The following NR1I3 variants were observed in gnomAD, a reference collection of about 807,000 sequenced individuals.
The protein encoded by NR1I3 is constitutive activator of retinoid response.
Under a neutral mutation model 38.4 loss-of-function variants are expected in NR1I3, and 30 were observed. That is an observed-to-expected ratio of 0.78 (90% CI 0.58 to 1.06). The LOEUF (loss-of-function observed/expected upper bound fraction) is 1.06. NR1I3 is among the 50% of genes least tolerant of loss of function. NR1I3 has a pLI of 0.00. For synonymous variants in NR1I3, 143 were observed against 165.1 expected (o/e 0.87, Z 1.03); for missense variants, 388 against 435.7 (o/e 0.89, Z 0.97).
rs558665618 is a variant in NR1I3, at chr1:161,233,378, A to AGCAGAGAGG, written c.239-41_239-40insCCTCTCTGC. 920 of 1,596,964 alleles carry AGCAGAGAGG rather than the reference A, an allele frequency of 5.8e-4. 8 individuals are homozygous for AGCAGAGAGG. In the South Asian group the frequency reaches 9.3e-3, roughly 16 times the overall value. On this transcript the variant is annotated intron_variant, in intron 3 of 8. Coordinates refer to ENST00000367983, the MANE Select transcript of NR1I3 (RefSeq NM_005122.5). Reference sequence around the variant, plus strand: ...AGATCATGACAAAGCTGTTGAGACCAGCAGAGCATTTCTCTCTGCTGGTCC... The same window carrying AGCAGAGAGG: ...AGATCATGACAAAGCTGTTGAGACCAGCAGAGAGGGCAGAGCATTTCTCTCTGCTGGTCC...
At position 161,230,872 on chromosome 1, in the gene NR1I3, C is replaced by A; in HGVS notation, c.858G>T (p.Glu286Asp). The A allele has an allele frequency of 6.2e-7, 1 of 1,614,188 alleles. No homozygotes were observed. The highest frequency in any genetic ancestry group is 8.5e-7 in the Non-Finnish European group (1 of 1,180,034). The change falls in exon 8 of 9, where the codon GAG becomes GAT. Residue 286 changes from glutamate (E) to aspartate (D), a missense_variant. Coordinates refer to ENST00000367983, the MANE Select transcript of NR1I3 (RefSeq NM_005122.5). The stretch of plus-strand genomic sequence containing the variant: ...AGCTTTGCAGAGTCAGTGCCATCTC[C>A]TCTTGCAGCTGATCAATCTCATCTC... ...TQRDEIDQLQEEMALTLQSYI... is the reference protein window; with the variant it reads ...TQRDEIDQLQDEMALTLQSYI...
intron 1 of NR1I3, 111 bp downstream of exon 1, chr1:161,237,930 C>A (rs1026659149): frequency 2.3e-5 from 24 of 1,041,238 alleles, no homozygotes; most frequent in Non-Finnish European, 3.3e-5. Context: ...GCGATCCCCC[C>A]ACCTTGGCCT....
In NR1I3 at chr1:161,238,113, C is replaced by A. The variant is rs568943207; in HGVS notation, c.-106G>T. 1 of 1,610,454 alleles carries A rather than the reference C, an allele frequency of 6.2e-7. No homozygotes were observed. The highest frequency in any genetic ancestry group is 1.3e-5 in the African/African-American group (1 of 74,858). Reference sequence around the variant, plus strand: ...TGGAATGCCTCTCCCCAAACTCCCACGCTGTTGCTGGTTTTCCTCTGATCT... The same window carrying A: ...TGGAATGCCTCTCCCCAAACTCCCAAGCTGTTGCTGGTTTTCCTCTGATCT... On this transcript the variant is annotated 5_prime_UTR_variant, in exon 1 of 9. Transcript: ENST00000367983.
At chr1:161,235,346 G>C (rs1668400315) in intron 3 of NR1I3, 1 of 132,490 alleles carries the variant, frequency 7.5e-6, no homozygotes, top group African/African-American at 2.8e-5. Context: ...CTCACTGCAA[G>C]CTCCGCCTCC....
chr1:161,233,057 TTC>T, intron 4 of NR1I3, 110 bp downstream of exon 4: 2 of 1,577,878 alleles, frequency 1.3e-6, no homozygotes, highest in South Asian at 1.2e-5. Context: ...CAGGCTGGGG[TTC>T]TGGAGATCTG....
chr1:161,232,671 A>G, intron 5 of NR1I3, 136 bp downstream of exon 5: 2 of 879,180 alleles, frequency 2.3e-6, no homozygotes, highest in Non-Finnish European at 3.6e-6. Flanking sequence ...GCACATTTAA[A>G]ACCAAAGCTG....
chr1:161,231,287 C>A, intron 6 of NR1I3, 42 bp downstream of exon 6: 1 of 1,611,352 alleles, frequency 6.2e-7, no homozygotes, highest in Non-Finnish European at 8.5e-7. Flanking sequence ...ACATCCTGTA[C>A]CATGAGGACA....
intron 5 of NR1I3, 67 bp downstream of exon 5, chr1:161,232,740 C>A (rs959758542): frequency 6.6e-7 from 1 of 1,514,586 alleles, no homozygotes; most frequent in Non-Finnish European, 9.2e-7. Context: ...TAGTCAGTGA[C>A]TTTTCGGGGT....
chr1:161,231,021 A>G, intron 7 of NR1I3, 96 bp downstream of exon 7: 1 of 1,612,952 alleles, frequency 6.2e-7, no homozygotes, highest in Non-Finnish European at 8.5e-7. Flanking sequence ...CAGGTTTGAT[A>G]GCTAGGCTAG....
At chr1:161,233,445 G>A in intron 3 of NR1I3, 107 bp from the exon 4 acceptor site, 1 of 1,140,890 alleles carries the variant, frequency 8.8e-7, no homozygotes, top group South Asian at 1.4e-5. Flanking sequence ...ACGAAGGATG[G>A]GGGCAGTGGG....
chr1:161,230,917 G>A lies in NR1I3; in HGVS notation c.813C>T (p.Asp271=), dbSNP rs201028035. Residue 271 remains aspartate (D), a splice_region_variant and synonymous_variant, in exon 8 of 9, where the codon GAC becomes GAT. Coordinates refer to ENST00000367983, the MANE Select transcript of NR1I3 (RefSeq NM_005122.5). ...CATCTCTCTGGGTAACTCCAGGTCGGTCTGTAAGATAGGGAGCTGGGAAGG... is the reference window on the plus strand; with the variant it reads ...CATCTCTCTGGGTAACTCCAGGTCGATCTGTAAGATAGGGAGCTGGGAAGG... ...LLAAMALFSP[D]RPGVTQRDEI... 2.2e-4 allele frequency: 355 copies of A among 1,614,026 alleles called. No individual in the cohort carries two copies. The highest frequency in any genetic ancestry group is 3.0e-4 in the Non-Finnish European group (352 of 1,180,028).
At chr1:161,237,921 C>A (rs529850433) in intron 1 of NR1I3, 120 bp downstream of exon 1, 3 of 949,278 alleles carry the variant, frequency 3.2e-6, no homozygotes, top group African/African-American at 3.2e-5. Flanking sequence ...TGGGCTCAAG[C>A]GATCCCCCCA....
At chr1:161,232,704 G>A (rs996732954) in intron 5 of NR1I3, 103 bp downstream of exon 5, 2 of 1,175,038 alleles carry the variant, frequency 1.7e-6, no homozygotes, top group African/African-American at 3.0e-5. Context: ...CTAATGCTTG[G>A]AAAGGCTGAC....
intron 8 of NR1I3, 116 bp from the exon 9 acceptor site, chr1:161,230,042 T>G: frequency 7.9e-7 from 1 of 1,267,082 alleles, no homozygotes; most frequent in Non-Finnish European, 1.1e-6. Flanking sequence ...GGTCTGAACA[T>G]TAGAGAAAAT....
At position 161,232,878 on chromosome 1, in the gene NR1I3, T is replaced by A. The variant is rs745338458; in HGVS notation, c.477A>T (p.Thr159=). 6.2e-7 allele frequency: 1 copy of A among 1,614,192 alleles called. No individual in the cohort carries two copies. Among genetic ancestry groups the A allele is most frequent in the Admixed American group, 1.7e-5 (1 of 60,028 alleles). Residue 159 remains threonine, a synonymous_variant, in exon 5 of 9, where the codon ACA becomes ACT. Transcript: ENST00000367983. Reference sequence around the variant, plus strand: ...TGAAAGTGTTGATGTCTGCGAAGTGTGTGACCAGAGGCAGCACAGGGGCCA... The same window carrying A: ...TGAAAGTGTTGATGTCTGCGAAGTGAGTGACCAGAGGCAGCACAGGGGCCA... ...PTLAPVLPLV[T]HFADINTFMV... is the part of the protein sequence containing the mutation.
At chr1:161,234,454 T>C (rs749754253) in intron 3 of NR1I3, among the ~76,000 whole-genome samples, 2 of 152,216 alleles carry the variant, frequency 1.3e-5, no homozygotes, top group African/African-American at 2.4e-5. Flanking sequence ...CAGACCAAGA[T>C]CCTTTGACTT....
intron 7 of NR1I3, 52 bp downstream of exon 7, chr1:161,231,065 A>T: frequency 1.9e-6 from 3 of 1,613,998 alleles, no homozygotes; most frequent in Non-Finnish European, 2.5e-6. Context: ...GGAGCTGAGT[A>T]TTTGGGCAGA....
intron 8 of NR1I3, chr1:161,230,587 T>TAAA (rs66513069): frequency 1.8e-6 from 1 of 554,468 alleles, no homozygotes; most frequent in Non-Finnish European, 3.1e-6. Context: ...CTGTACTGAA[T>TAAA]AAAAAAAAAA....
Position 161,233,327 on chromosome 1 carries a change from C to T in NR1I3, c.250G>A (p.Ala84Thr). 1 of 1,613,542 alleles carries T rather than the reference C, an allele frequency of 6.2e-7. No individual in the cohort carries two copies. The highest frequency in any genetic ancestry group is 8.5e-7 in the Non-Finnish European group (1 of 1,179,970). The change falls in exon 4 of 9, where the codon GCA becomes ACA. Residue 84 changes from alanine to threonine, a missense_variant. Coordinates refer to ENST00000367983, the MANE Select transcript of NR1I3 (RefSeq NM_005122.5). ...GCTCGCCGCAATGCCAGGGCTTCTG[C>T]CGACAGTATCACTGTGCCAGGCAAG... is the stretch of plus-strand genomic sequence containing the variant. Reference protein sequence around the residue: ...AGMRKDMILSAEALALRRAKQ... With the variant: ...AGMRKDMILSTEALALRRAKQ...
Sources: gnomAD v4.1 joint callset for allele counts (sites outside exome capture counted in the v4.1 genomes callset) on GRCh38, gnomAD v4.1.1 for gene constraint, MANE v1.5 for transcripts, NCBI Gene and HGNC (gene_info 2026-07-23, HGNC 2026-07-21) for gene names.